LYN: variants seen among roughly 807,000 people sequenced by gnomAD.
LYN encodes LYN proto-oncogene, Src family tyrosine kinase.
In LYN, 12 loss-of-function variants were observed where a neutral mutation model predicts 65.0. The ratio of observed to expected loss-of-function variants is 0.18; its 90% confidence interval spans 0.12 to 0.30. LYN has a LOEUF of 0.30. Among genes scored for constraint, LYN ranks in the 10% least tolerant of loss-of-function variants. The probability of loss-of-function intolerance (pLI) is 1.00; values close to 1 mark genes in which losing one functional copy is unlikely to be tolerated. For missense variants in LYN, 380 were observed against 623.2 expected (o/e 0.61, Z 4.16); for synonymous variants, 222 against 221.2 (o/e 1.00, Z -0.03).
Position 55,999,561 on chromosome 8 carries a change from T to A in LYN, c.1336+12T>A. On this transcript the variant is annotated intron_variant, in intron 12 of 12. Coordinates refer to ENST00000519728, the MANE Select transcript of LYN (RefSeq NM_002350.4). ...AATTCCCTACCCAGGTATGGTTTAC[T>A]TAGCTATTTACAATCAAGCTGTATA... 1.2e-6 allele frequency: 2 copies of A among 1,612,758 alleles called. No individual in the cohort carries two copies. The highest frequency in any genetic ancestry group is 1.7e-6 in the Non-Finnish European group (2 of 1,178,806).
intron 1 of LYN, among the ~76,000 whole-genome samples, chr8:55,914,239 G>T (rs552812557): frequency 2.0e-5 from 3 of 152,086 alleles, no homozygotes; most frequent in East Asian, 1.9e-4. Flanking sequence ...GAGGTCGGCC[G>T]TGGAGTGGAG....
In LYN at chr8:56,009,892, T is replaced by G. The variant is rs751797343; in HGVS notation, c.1337-16T>G. The G allele has an allele frequency of 1.2e-6, 2 of 1,610,042 alleles. No homozygotes were observed. The highest frequency in any genetic ancestry group is 1.3e-5 in the African/African-American group (1 of 74,650). The stretch of plus-strand genomic sequence containing the variant: ...ACGGCATGGGTTTCTGTTCTTTTTG[T>G]TTTTTTCCACCCTAGGGAGAACTAA... On this transcript the variant is annotated splice_polypyrimidine_tract_variant and intron_variant, in intron 12 of 12. Coordinates refer to ENST00000519728, the MANE Select transcript of LYN (RefSeq NM_002350.4).
At chr8:55,992,589 A>G (rs184054358) in intron 10 of LYN, among the ~76,000 whole-genome samples, 1 of 152,308 alleles carries the variant, frequency 6.6e-6, no homozygotes, top group Admixed American at 6.5e-5. Flanking sequence ...CTCCCCAACC[A>G]TTATGATGGT....
intron 1 of LYN, among the ~76,000 whole-genome samples, chr8:55,928,275 A>G (rs1806167226): frequency 6.6e-6 from 1 of 152,284 alleles, no homozygotes; most frequent in South Asian, 2.1e-4. Flanking sequence ...CCTCTGGAGT[A>G]GCTGGGACTA....
At chr8:55,982,643 C>T (rs903877569) in intron 10 of LYN, among the ~76,000 whole-genome samples, 1 of 152,170 alleles carries the variant, frequency 6.6e-6, no homozygotes, top group Non-Finnish European at 1.5e-5. Flanking sequence ...CTGTGGTCAG[C>T]TCCGGCTGGC....
Position 55,972,549 on chromosome 8 carries a change from C to T in LYN, c.1050+2756C>T, listed in dbSNP as rs575535217. On this transcript the variant is annotated intron_variant, in intron 10 of 12. Transcript: ENST00000519728. ...CCTGCTCCCTCGTCCGCCTGGGATG[C>T]CCTCACTGATGACCACTGCTACCCA... Among the ~76,000 whole-genome samples the T allele has an allele frequency of 2.0e-4, 31 of 152,288 alleles. 1 individual carries two copies. The East Asian group carries it at 4.6e-3, about 23-fold the overall frequency.
chr8:55,910,951 C>T (rs1449421133), intron 1 of LYN, among the ~76,000 whole-genome samples: 1 of 142,618 alleles, frequency 7.0e-6, no homozygotes, highest in African/African-American at 2.6e-5. Context: ...GGCTGGAGTG[C>T]AGTGGTGCAG....
At chr8:55,928,931 A>G (rs1400074504) in intron 1 of LYN, among the ~76,000 whole-genome samples, 1 of 151,826 alleles carries the variant, frequency 6.6e-6, no homozygotes, top group African/African-American at 2.4e-5. Flanking sequence ...TCTGTGATTC[A>G]TTTTGGGTTG....
At chr8:55,958,357 T>C (rs1220057055) in intron 8 of LYN, among the ~76,000 whole-genome samples, 1 of 152,240 alleles carries the variant, frequency 6.6e-6, no homozygotes, top group African/African-American at 2.4e-5. Context: ...TGTTGGAAAG[T>C]ATCTGATTGT....
intron 10 of LYN, among the ~76,000 whole-genome samples, chr8:55,975,598 T>A (rs1807730413): frequency 6.6e-6 from 1 of 152,248 alleles, no homozygotes; most frequent in African/African-American, 2.4e-5. Context: ...AGTACTTACA[T>A]GTTGGGCACT....
At chr8:55,901,815 GT>G (rs1276336547) in intron 1 of LYN, among the ~76,000 whole-genome samples, 2 of 152,128 alleles carry the variant, frequency 1.3e-5, no homozygotes, top group African/African-American at 4.8e-5. Context: ...TCATTATCAA[GT>G]TGCATTTCCT....
intron 1 of LYN, among the ~76,000 whole-genome samples, chr8:55,911,434 A>G (rs1271900707): frequency 6.7e-6 from 1 of 149,672 alleles, no homozygotes; most frequent in Non-Finnish European, 1.5e-5. Context: ...TTTTTTACTA[A>G]ATTTTAAAAA....
chr8:55,950,372 C>A (rs1018093836), intron 4 of LYN, 87 bp from the exon 5 acceptor site: 1 of 843,272 alleles, frequency 1.2e-6, no homozygotes, highest in Non-Finnish European at 1.9e-6. Flanking sequence ...TACATAAATA[C>A]ATATTTATGG....
chr8:55,966,684 A>G lies in LYN; in HGVS notation c.791-31A>G. 4 of 1,600,758 alleles carry G rather than the reference A, an allele frequency of 2.5e-6. No individual in the cohort carries two copies. The East Asian group carries it at 9.0e-5, about 36-fold the overall frequency. ...CCCCCGGCTAGATTTTCTGTTTTAT[A>G]AAGCATGCCCGCCTTCTTTTTTCTT... is the stretch of plus-strand genomic sequence containing the variant. On this transcript the variant is annotated intron_variant, in intron 8 of 12. Transcript: ENST00000519728.
At chr8:55,925,189 C>T (rs567386363) in intron 1 of LYN, among the ~76,000 whole-genome samples, 143 of 152,278 alleles carry the variant, frequency 9.4e-4, no homozygotes, top group African/African-American at 3.3e-3. Context: ...GTGGTGCAAT[C>T]ACCGTTCACT....
chr8:55,953,758 A>AC lies in LYN; in HGVS notation c.638-74_638-73insC. On this transcript the variant is annotated intron_variant, in intron 7 of 12. Transcript: ENST00000519728. ...GTTGGACACTATAAGGCTAGTGTTC[A>AC]ACTTTTCTTTATAGACACAGGTAAA... 3 of 1,413,886 alleles carry AC rather than the reference A, an allele frequency of 2.1e-6. No individual in the cohort carries two copies. The African/African-American group carries it at 7.3e-5, about 35-fold the overall frequency. 87.6% of individuals were successfully genotyped at this position (1,413,886 alleles called of 1,614,324 possible). A position where few individuals can be genotyped will look rare whatever the true frequency, so the allele number is the denominator to read the frequency against.
chr8:55,892,271 A>G (rs776832330), intron 1 of LYN, among the ~76,000 whole-genome samples: 4 of 152,160 alleles, frequency 2.6e-5, no homozygotes, highest in Non-Finnish European at 5.9e-5. Flanking sequence ...AAATCCAAAA[A>G]TAGCCAGGTG....
chr8:55,938,158 A>G (rs897243925), intron 1 of LYN, among the ~76,000 whole-genome samples: 1 of 152,244 alleles, frequency 6.6e-6, no homozygotes, highest in African/African-American at 2.4e-5. Flanking sequence ...TTATAGAAAG[A>G]GAAATCTCCA....
chr8:55,981,686 G>A (rs937044716), intron 10 of LYN, among the ~76,000 whole-genome samples: 1 of 152,120 alleles, frequency 6.6e-6, no homozygotes, highest in Non-Finnish European at 1.5e-5. Context: ...GGTTTTCTGA[G>A]TCATTATTCA....
Sources: allele counts gnomAD v4.1 joint callset (sites outside exome capture counted in the v4.1 genomes callset), GRCh38; gene constraint gnomAD v4.1.1; transcripts MANE v1.5; gene names NCBI Gene and HGNC (gene_info 2026-07-23, HGNC 2026-07-21).